The following KATNAL2 variants were observed in gnomAD, a reference collection of about 807,000 sequenced individuals.
The protein encoded by KATNAL2 is katanin p60 ATPase-containing subunit A-like 2.
KATNAL2 carries 52 observed loss-of-function variants against 76.3 expected under a neutral mutation model. The observed-to-expected ratio is 0.68, with a 90% confidence interval of 0.55 to 0.86. KATNAL2 has a LOEUF of 0.86. Ranked by LOEUF, KATNAL2 falls within the 40% of genes least tolerant of loss-of-function variation. The pLI is 0.00. For synonymous variants in KATNAL2, 243 were observed against 244.2 expected (o/e 1.00, Z 0.05); for missense variants, 660 against 668.9 (o/e 0.99, Z 0.15).
chr18:46,932,169 C>T (rs1418536599), intron 1 of KATNAL2, among the ~76,000 whole-genome samples: 5 of 152,174 alleles, frequency 3.3e-5, no homozygotes, highest in Admixed American at 1.3e-4. Context: ...CCTTGGCCTC[C>T]CAAAGTGCTG....
intron 3 of KATNAL2, among the ~76,000 whole-genome samples, chr18:47,042,351 G>A (rs1206730882): frequency 2.0e-5 from 3 of 152,094 alleles, no homozygotes; most frequent in Non-Finnish European, 4.4e-5. Context: ...TTGAAACACA[G>A]GTTGCCTTAT....
At chr18:47,034,745 G>T (rs753405387) in intron 3 of KATNAL2, 1 of 1,612,776 alleles carries the variant, frequency 6.2e-7, no homozygotes, top group Non-Finnish European at 8.5e-7. Context: ...GGAGCTGTGC[G>T]CGTTGGAGAG....
At chr18:47,049,175 G>A (rs149166454) in intron 4 of KATNAL2, among the ~76,000 whole-genome samples, 1 of 152,250 alleles carries the variant, frequency 6.6e-6, no homozygotes, top group East Asian at 1.9e-4. Flanking sequence ...CTGTGATCTT[G>A]GACAAGTTAC....
intron 11 of KATNAL2, among the ~76,000 whole-genome samples, chr18:47,068,762 A>G (rs1210872708): frequency 6.6e-6 from 1 of 152,132 alleles, no homozygotes; most frequent in Non-Finnish European, 1.5e-5. Context: ...AATATTCCCA[A>G]CTTCCAAAAC....
At chr18:46,921,736 A>C (rs2058558008) in intron 1 of KATNAL2, among the ~76,000 whole-genome samples, 1 of 152,098 alleles carries the variant, frequency 6.6e-6, no homozygotes, top group African/African-American at 2.4e-5. Context: ...ATTAAGAACC[A>C]TATGATATAT....
At chr18:46,918,992 C>CGT (rs1018481188) in intron 1 of KATNAL2, among the ~76,000 whole-genome samples, 6 of 130,402 alleles carry the variant, frequency 4.6e-5, no homozygotes, top group Admixed American at 1.5e-4. Flanking sequence ...TATGTGTGTG[C>CGT]GTGTATATAT....
chr18:47,032,857 G>C (rs1210438656), intron 3 of KATNAL2: 2 of 1,500,402 alleles, frequency 1.3e-6, no homozygotes, highest in African/African-American at 1.4e-5. Flanking sequence ...CACAGGGCCA[G>C]CACATGACAC....
At chr18:46,959,103 C>T (rs539525667) in intron 3 of KATNAL2, among the ~76,000 whole-genome samples, 7 of 152,306 alleles carry the variant, frequency 4.6e-5, no homozygotes, top group Admixed American at 2.0e-4. Context: ...TACATCAGTG[C>T]TTTTCTTCAA....
chr18:47,071,022 A>T (rs2061978801), intron 13 of KATNAL2, among the ~76,000 whole-genome samples: 1 of 152,170 alleles, frequency 6.6e-6, no homozygotes, highest in Non-Finnish European at 1.5e-5. Context: ...CTTCAACTGC[A>T]CGGGTCTACT....
rs1284570397 is a variant in KATNAL2 at position 46,961,593 on chromosome 18, T to C, written c.51+14670T>C. Among the ~76,000 whole-genome samples, 4 of 152,222 alleles carry C rather than the reference T, an allele frequency of 2.6e-5. No individual in the cohort carries two copies. In the East Asian group the frequency reaches 7.7e-4, roughly 29 times the overall value. On this transcript the variant is annotated intron_variant, in intron 3 of 17. Transcript: ENST00000683218. ...ATTCTCCCCTAGCTGAAAGACATTT[T>C]TCAAATACAGACATAGGATTAAACC...
At chr18:47,036,331 G>A (rs1379994333) in intron 3 of KATNAL2, among the ~76,000 whole-genome samples, 1 of 152,152 alleles carries the variant, frequency 6.6e-6, no homozygotes, top group South Asian at 2.1e-4. Flanking sequence ...GCTTTGGCTA[G>A]TTTTCTCAAA....
intron 10 of KATNAL2, among the ~76,000 whole-genome samples, chr18:47,065,075 A>G (rs2061748666): frequency 6.6e-6 from 1 of 152,212 alleles, no homozygotes; most frequent in Non-Finnish European, 1.5e-5. Context: ...TCCAGGCTCT[A>G]TAGACAGAAT....
Position 47,059,406 on chromosome 18 carries a change from G to A in KATNAL2, c.451-150G>A, listed in dbSNP as rs1040330868. On this transcript the variant is annotated intron_variant, in intron 7 of 17. Coordinates refer to ENST00000683218, the MANE Select transcript of KATNAL2 (RefSeq NM_001387690.1). ...GCAGACAGCTACTTCATCTTCCTGGGTCTGCACAAATGTGGCTAAGCTACA... is the reference window on the plus strand; with the variant it reads ...GCAGACAGCTACTTCATCTTCCTGGATCTGCACAAATGTGGCTAAGCTACA... The A allele has an allele frequency of 2.8e-5, 18 of 647,678 alleles. No individual in the cohort carries two copies. The African/African-American group carries it at 2.9e-4, about 10-fold the overall frequency. The allele number at this position is 647,678 out of a possible 1,614,324, so 40.1% of individuals were successfully genotyped here. A position where few individuals can be genotyped will look rare whatever the true frequency, so the allele number is the denominator to read the frequency against.
chr18:47,031,942 T>A (rs987605976), intron 3 of KATNAL2, among the ~76,000 whole-genome samples: 2 of 152,218 alleles, frequency 1.3e-5, no homozygotes, highest in Non-Finnish European at 2.9e-5. Flanking sequence ...CCAGCCCGTG[T>A]GAGGCCAACA....
In KATNAL2 at chr18:46,918,898, C is replaced by G. The variant is rs184336495; in HGVS notation, c.-510+972C>G. On this transcript the variant is annotated intron_variant, in intron 1 of 17. Coordinates refer to ENST00000683218, the MANE Select transcript of KATNAL2 (RefSeq NM_001387690.1). ...TTAATTCAAATTCCCCTGTTATGAC[C>G]TCTCCTAGGACCCTGAACTTTTTCT... is the stretch of plus-strand genomic sequence containing the variant. Among the ~76,000 whole-genome samples the G allele has an allele frequency of 1.8e-3, 269 of 152,166 alleles. 2 individuals carry two copies. The highest frequency in any genetic ancestry group is 5.8e-3 in the Admixed American group (89 of 15,296).
intron 3 of KATNAL2, among the ~76,000 whole-genome samples, chr18:46,959,337 G>A (rs2059862406): frequency 6.6e-6 from 1 of 152,136 alleles, no homozygotes; most frequent in Admixed American, 6.5e-5. Flanking sequence ...AGCCCTGTGG[G>A]CATCTCTTAA....
chr18:47,080,937 G>T (rs886250047), intron 15 of KATNAL2, among the ~76,000 whole-genome samples: 1 of 151,742 alleles, frequency 6.6e-6, no homozygotes, highest in African/African-American at 2.4e-5. Flanking sequence ...CCCTCTATTG[G>T]ATATATGATT....
intron 1 of KATNAL2, among the ~76,000 whole-genome samples, chr18:46,939,441 T>G (rs2059183590): frequency 6.6e-6 from 1 of 152,068 alleles, no homozygotes; most frequent in Non-Finnish European, 1.5e-5. Context: ...GTATGGAGGC[T>G]GAAACTTACA....
chr18:47,032,947 T>C (rs575247924), intron 3 of KATNAL2: 1 of 1,612,540 alleles, frequency 6.2e-7, no homozygotes, highest in East Asian at 2.2e-5. Flanking sequence ...CAACCCGCAT[T>C]GACTTTGCCA....
Sources: allele counts gnomAD v4.1 joint callset (sites outside exome capture counted in the v4.1 genomes callset), GRCh38; gene constraint gnomAD v4.1.1; transcripts MANE v1.5; gene names NCBI Gene and HGNC (gene_info 2026-07-23, HGNC 2026-07-21).